WDPCP: variants seen among roughly 807,000 people sequenced by gnomAD.
The protein encoded by WDPCP is WD repeat-containing and planar cell polarity effector protein fritz homolog.
A neutral mutation model predicts 93.1 loss-of-function variants in WDPCP; 71 were observed. The observed-to-expected ratio is 0.76, with a 90% CI of 0.63 to 0.93. The LOEUF (loss-of-function observed/expected upper bound fraction) is 0.93. WDPCP is among the 40% of genes least tolerant of loss of function. The probability of loss-of-function intolerance (pLI) is 0.00; values close to 1 mark genes in which losing one functional copy is unlikely to be tolerated. For synonymous variants in WDPCP, 315 were observed against 315.0 expected, an observed-to-expected ratio of 1.00 and a Z score of 0.00; for missense variants, 844 against 887.4, an observed-to-expected ratio of 0.95 and a Z score of 0.62.
At chr2:63,191,999 A>G (rs185408927) in intron 14 of WDPCP, among the ~76,000 whole-genome samples, 161 of 152,320 alleles carry the variant, frequency 1.1e-3, no homozygotes, top group Non-Finnish European at 2.0e-3. Flanking sequence ...ACTAGTTACT[A>G]TCTGGCCCTT....
At chr2:63,522,455 G>GACAGACACACAC (rs578104206) in intron 1 of WDPCP, among the ~76,000 whole-genome samples, 3 of 127,214 alleles carry the variant, frequency 2.4e-5, no homozygotes, top group East Asian at 2.4e-4. Flanking sequence ...CAGACAGACA[G>GACAGACACACAC]ACACACACAC....
intron 1 of WDPCP, among the ~76,000 whole-genome samples, chr2:63,505,216 C>T (rs547374951): frequency 6.6e-6 from 1 of 152,098 alleles, no homozygotes; most frequent in Non-Finnish European, 1.5e-5. Flanking sequence ...TTGCTTTCAA[C>T]TTTACTAACG....
At chr2:63,626,237 G>T (rs1328641387) in intron 3 of WDPCP, among the ~76,000 whole-genome samples, 1 of 152,148 alleles carries the variant, frequency 6.6e-6, no homozygotes, top group African/African-American at 2.4e-5. Context: ...TAAAAACCCT[G>T]GAAGAAAACC....
chr2:63,498,812 A>G (rs1701377530), intron 1 of WDPCP, among the ~76,000 whole-genome samples: 1 of 152,180 alleles, frequency 6.6e-6, no homozygotes, highest in African/African-American at 2.4e-5. Context: ...AATAGAAGAC[A>G]TTGCTGTAGT....
chr2:63,432,062 G>A (rs936545420), intron 9 of WDPCP, among the ~76,000 whole-genome samples: 12 of 151,914 alleles, frequency 7.9e-5, no homozygotes, highest in African/African-American at 1.2e-4. Flanking sequence ...CTTAAAAGAC[G>A]TCACACCCAG....
intron 1 of WDPCP, among the ~76,000 whole-genome samples, chr2:63,818,536 G>A (rs1481885411): frequency 6.6e-6 from 1 of 152,166 alleles, no homozygotes; most frequent in African/African-American, 2.4e-5. Flanking sequence ...TGAATTAGGA[G>A]AGTGACAGTG....
intron 13 of WDPCP, among the ~76,000 whole-genome samples, chr2:63,276,016 C>G (rs535118270): frequency 2.0e-5 from 3 of 152,180 alleles, no homozygotes; most frequent in Non-Finnish European, 4.4e-5. Flanking sequence ...GTGCGGGTAT[C>G]CATGGCTGAA....
chr2:63,365,348 C>T (rs896622588), intron 12 of WDPCP, among the ~76,000 whole-genome samples: 7 of 152,138 alleles, frequency 4.6e-5, no homozygotes, highest in Admixed American at 3.3e-4. Context: ...GAATTTACTA[C>T]AGCTATAACA....
chr2:63,823,331 C>A (rs1228100437), intron 1 of WDPCP, among the ~76,000 whole-genome samples: 1 of 151,840 alleles, frequency 6.6e-6, no homozygotes, highest in Non-Finnish European at 1.5e-5. Context: ...TACGGTGATA[C>A]CCCGTCTCTA....
rs186282152 is a variant in WDPCP, at chr2:63,553,450, C to T, written c.75+34747G>A. Among the ~76,000 whole-genome samples, 13 of 152,060 alleles carry T rather than the reference C, an allele frequency of 8.5e-5. No homozygotes were observed. In the East Asian group the frequency reaches 2.3e-3, roughly 27 times the overall value. ...CTGAGGTGTTTTGTCCTCCAGGATG[C>T]TATTTTTCCTCAATTCATCTCTGTT... On this transcript the variant is annotated intron_variant, in intron 1 of 17. Transcript: ENST00000272321.
chr2:63,561,444 C>T (rs1303182546), intron 1 of WDPCP, among the ~76,000 whole-genome samples: 2 of 151,578 alleles, frequency 1.3e-5, no homozygotes, highest in Non-Finnish European at 2.9e-5. Context: ...TGCCACTGCA[C>T]TCCAGCCTGG....
At chr2:63,598,346 C>A (rs1030169889) in intron 3 of WDPCP, among the ~76,000 whole-genome samples, 1 of 152,080 alleles carries the variant, frequency 6.6e-6, no homozygotes, top group Non-Finnish European at 1.5e-5. Context: ...CCAGGCTGGT[C>A]TCGAACTCCT....
chr2:63,212,986 A>G (rs1676966805), intron 14 of WDPCP, among the ~76,000 whole-genome samples: 1 of 152,248 alleles, frequency 6.6e-6, no homozygotes, highest in East Asian at 1.9e-4. Flanking sequence ...GTCCTTAGAG[A>G]CCTACAAAGA....
chr2:63,714,966 A>G (rs1240535749), intron 2 of WDPCP, among the ~76,000 whole-genome samples: 1 of 152,274 alleles, frequency 6.6e-6, no homozygotes, highest in African/African-American at 2.4e-5. Context: ...TATGTATACG[A>G]TAGAATATTA....
chr2:63,593,641 G>A, upstream of WDPCP: 1 of 471,710 alleles, frequency 2.1e-6, no homozygotes, highest in East Asian at 6.9e-5. Context: ...AGGGGTAAAG[G>A]TGACAGTGGA....
chr2:63,568,598 A>C (rs1289864530), intron 1 of WDPCP, among the ~76,000 whole-genome samples: 1 of 152,224 alleles, frequency 6.6e-6, no homozygotes, highest in African/African-American at 2.4e-5. Flanking sequence ...AGACAGGGTC[A>C]TTTATAACCT....
At chr2:63,760,877 C>T (rs776009864) in intron 2 of WDPCP, among the ~76,000 whole-genome samples, 1 of 152,182 alleles carries the variant, frequency 6.6e-6, no homozygotes, top group Non-Finnish European at 1.5e-5. Context: ...ATCTCCAATG[C>T]AGATGACGCC....
At chr2:63,591,426 C>T (rs1373095000), upstream of WDPCP, among the ~76,000 whole-genome samples, 1 of 152,176 alleles carries the variant, frequency 6.6e-6, no homozygotes, top group Non-Finnish European at 1.5e-5. Flanking sequence ...CAGAAGAAAA[C>T]TGCTGAGGTG....
chr2:63,787,426 A>G (rs941014021), intron 2 of WDPCP, among the ~76,000 whole-genome samples: 20 of 152,158 alleles, frequency 1.3e-4, no homozygotes, highest in African/African-American at 4.6e-4. Flanking sequence ...ACTACTGGAC[A>G]AAAAGATGAA....
Sources: gnomAD v4.1 joint callset for allele counts (sites outside exome capture counted in the v4.1 genomes callset) on GRCh38, gnomAD v4.1.1 for gene constraint, MANE v1.5 for transcripts, NCBI Gene and HGNC (gene_info 2026-07-23, HGNC 2026-07-21) for gene names.